TRIM24: variants seen among roughly 807,000 people sequenced by gnomAD.
The protein encoded by TRIM24 is tripartite motif containing 24.
In TRIM24, 29 loss-of-function variants were observed where a neutral mutation model predicts 123.9. The observed-to-expected ratio is 0.23, with a 90% CI of 0.17 to 0.32. The LOEUF is 0.32. Ranked by LOEUF, TRIM24 falls within the 10% of genes least tolerant of loss-of-function variation. The pLI is 1.00. For synonymous variants in TRIM24, 456 were observed against 461.1 expected (o/e 0.99, Z 0.14); for missense variants, 932 against 1,295.3 (o/e 0.72, Z 4.31).
intron 1 of TRIM24, among the ~76,000 whole-genome samples, chr7:138,462,100 TAGAG>T (rs901577733): frequency 3.3e-5 from 5 of 152,174 alleles, no homozygotes; most frequent in South Asian, 2.1e-4. Context: ...CCTTGGAAGA[TAGAG>T]ATAGTGTCTT....
At chr7:138,484,468 C>G (rs549768127) in intron 1 of TRIM24, among the ~76,000 whole-genome samples, 82 of 150,904 alleles carry the variant, frequency 5.4e-4, no homozygotes, top group African/African-American at 1.9e-3. Context: ...CATAATTGTT[C>G]CTTTAATCTG....
chr7:138,570,967 A>G lies in TRIM24; in HGVS notation c.1842A>G (p.Pro614=). 2 of 1,614,088 alleles carry G rather than the reference A, an allele frequency of 1.2e-6. No homozygotes were observed. Among genetic ancestry groups the G allele is most frequent in the South Asian group, 2.2e-5 (2 of 91,084 alleles). The change falls in exon 11 of 19, where the codon CCA becomes CCG. Residue 614 remains proline, a synonymous_variant. Transcript: ENST00000343526. ...CACCTATGATCGATTTGAGCTCACC[A>G]GTGGGAGGGTCTTATAATCTTCCCT... ...FGSPMIDLSS[P]VGGSYNLPSL...
intron 15 of TRIM24, 123 bp downstream of exon 15, chr7:138,579,655 C>T (rs1797851735): frequency 1.3e-6 from 1 of 749,724 alleles, no homozygotes; most frequent in African/African-American, 1.8e-5. Context: ...TCCAAAATCC[C>T]AATGAATAGT....
At chr7:138,558,060 A>G (rs1279108321) in intron 9 of TRIM24, among the ~76,000 whole-genome samples, 2 of 152,090 alleles carry the variant, frequency 1.3e-5, no homozygotes, top group Non-Finnish European at 2.9e-5. Flanking sequence ...TAGAGGGATT[A>G]GGCAGAAGGA....
intron 7 of TRIM24, among the ~76,000 whole-genome samples, 174 bp from the exon 8 acceptor site, chr7:138,550,889 G>A (rs534376426): frequency 2.0e-5 from 3 of 152,180 alleles, no homozygotes; most frequent in East Asian, 3.9e-4. Flanking sequence ...GCTGAGTTAC[G>A]CCTCAAAAGT....
chr7:138,500,988 G>A (rs1162971901), intron 1 of TRIM24, among the ~76,000 whole-genome samples: 1 of 151,932 alleles, frequency 6.6e-6, no homozygotes, highest in Non-Finnish European at 1.5e-5. Context: ...AGGTACACCT[G>A]TATAGAGCAG....
intron 1 of TRIM24, among the ~76,000 whole-genome samples, chr7:138,469,017 A>AGT (rs1348660751): frequency 1.3e-5 from 2 of 152,210 alleles, no homozygotes; most frequent in African/African-American, 4.8e-5. Flanking sequence ...CATGGATCAC[A>AGT]GTACTGCATT....
At chr7:138,525,649 A>G (rs1382458018) in intron 5 of TRIM24, among the ~76,000 whole-genome samples, 2 of 152,210 alleles carry the variant, frequency 1.3e-5, no homozygotes, top group East Asian at 3.8e-4. Flanking sequence ...TTTAAATGCC[A>G]AATCAACCAT....
chr7:138,557,435 A>G (rs972298787), intron 9 of TRIM24, among the ~76,000 whole-genome samples: 15 of 152,198 alleles, frequency 9.9e-5, no homozygotes, highest in Non-Finnish European at 2.2e-4. Context: ...GCCTGGTTAC[A>G]AGAGTCTCTA....
At chr7:138,523,666 G>T (rs997956006) in intron 4 of TRIM24, among the ~76,000 whole-genome samples, 1 of 151,050 alleles carries the variant, frequency 6.6e-6, no homozygotes, top group Non-Finnish European at 1.5e-5. Flanking sequence ...CAGGAGAATG[G>T]CGTGAACCCA....
In TRIM24 at chr7:138,579,319, G is replaced by A; in HGVS notation, c.2372G>A (p.Gly791Glu). Residue 791 changes from glycine (G) to glutamate (E), a missense_variant, in exon 15 of 19, where the codon GGA becomes GAA. By Grantham distance (98) the Gly-to-Glu change is moderately conservative. Around this residue, in one of 7 missense-constraint regions of TRIM24, gnomAD observed 527 missense variants for 691.3 expected, o/e 0.76. Transcript: ENST00000343526. ...CCTGATAGTACAGGAGATCAACCTG[G>A]ACTTCACCAGGACAATTCCTCAAAT... ...DAPDSTGDQPGLHQDNSSNGK... is the reference protein window; with the variant it reads ...DAPDSTGDQPELHQDNSSNGK... The A allele has an allele frequency of 1.2e-6, 2 of 1,614,138 alleles. No individual in the cohort carries two copies. The highest frequency in any genetic ancestry group is 2.2e-5 in the South Asian group (2 of 91,080).
At chr7:138,466,963 A>AT (rs1213731685) in intron 1 of TRIM24, among the ~76,000 whole-genome samples, 2 of 152,042 alleles carry the variant, frequency 1.3e-5, no homozygotes, top group Non-Finnish European at 2.9e-5. Context: ...TTTGTGAGTT[A>AT]TTTTTTGTGT....
chr7:138,540,513 C>G (rs1796981507), intron 7 of TRIM24, among the ~76,000 whole-genome samples: 1 of 152,196 alleles, frequency 6.6e-6, no homozygotes, highest in African/African-American at 2.4e-5. Flanking sequence ...AACTATTCAT[C>G]CATTCAAGTT....
intron 8 of TRIM24, among the ~76,000 whole-genome samples, chr7:138,551,420 G>T (rs1236976933): frequency 6.6e-6 from 1 of 152,182 alleles, no homozygotes; most frequent in East Asian, 1.9e-4. Flanking sequence ...AGTGGCACAT[G>T]CCTGTAGTCC....
At chr7:138,581,804 A>C in intron 17 of TRIM24, 33 bp downstream of exon 17, 1 of 1,527,908 alleles carries the variant, frequency 6.5e-7, no homozygotes, top group Non-Finnish European at 9.0e-7. Flanking sequence ...GCATGTTTAC[A>C]CAGTGGAATG....
Position 138,460,760 on chromosome 7 carries a change from T to A in TRIM24, c.212T>A (p.Leu71Gln). ...ATCCAGAGCCGGGCGCCCAAGCTGC[T>A]GCCCTGCCTGCACTCTTTCTGCCAG... The part of the protein sequence containing the change: ...QNIQSRAPKL[L>Q]PCLHSFCQRC... The change falls in exon 1 of 19, where the codon CTG becomes CAG. Residue 71 changes from leucine to glutamine, a missense_variant. Physicochemically the swap from Leu to Gln is moderately radical, Grantham distance 113. Coordinates refer to ENST00000343526, the MANE Select transcript of TRIM24 (RefSeq NM_015905.3). The A allele has an allele frequency of 6.3e-7, 1 of 1,579,552 alleles. No individual in the cohort carries two copies. The highest frequency in any genetic ancestry group is 8.6e-7 in the Non-Finnish European group (1 of 1,165,938).
chr7:138,508,662 A>AGTGTGTGTGTGTGTGT (rs781643258), intron 2 of TRIM24, among the ~76,000 whole-genome samples: 27 of 112,892 alleles, frequency 2.4e-4, no homozygotes, highest in African/African-American at 7.1e-4. Flanking sequence ...TAATAAGAGG[A>AGTGTGTGTGTGTGTGT]GTGTGTGTGT....
chr7:138,479,988 T>G (rs903205127), intron 1 of TRIM24, among the ~76,000 whole-genome samples: 5 of 152,028 alleles, frequency 3.3e-5, no homozygotes, highest in Non-Finnish European at 7.4e-5. Context: ...CCGGCTAATT[T>G]TTGTGTTTTT....
intron 1 of TRIM24, among the ~76,000 whole-genome samples, chr7:138,467,622 G>A (rs1257403229): frequency 1.3e-5 from 2 of 152,278 alleles, no homozygotes; most frequent in Non-Finnish European, 1.5e-5. Flanking sequence ...ATTGACAGGC[G>A]TGAGCCACTG....
Sources: gnomAD v4.1 joint callset for allele counts (sites outside exome capture counted in the v4.1 genomes callset) on GRCh38, gnomAD v4.1.1 for gene constraint, gnomAD v4.1.1 regional missense constraint, MANE v1.5 for transcripts, NCBI Gene and HGNC (gene_info 2026-07-23, HGNC 2026-07-21) for gene names.